The following PDZD2 variants were observed in gnomAD, a reference collection of about 807,000 sequenced individuals.
PDZD2 encodes the protein PDZ domain containing 2, also known as PDZ domain-containing protein 2.
A neutral mutation model predicts 220.7 loss-of-function variants in PDZD2; 90 were observed. The ratio of observed to expected loss-of-function variants is 0.41; its 90% CI spans 0.34 to 0.49. PDZD2 has a LOEUF of 0.49. Ranked by LOEUF, PDZD2 falls within the 20% of genes least tolerant of loss-of-function variation. PDZD2 has a pLI of 0.28. For missense variants in PDZD2, 3,174 were observed against 3,608.5 expected, an observed-to-expected ratio of 0.88 and a Z score of 3.08; for synonymous variants, 1,375 against 1,450.5, an observed-to-expected ratio of 0.95 and a Z score of 1.18.
At chr5:32,082,314 G>A (rs1321653197) in intron 19 of PDZD2, among the ~76,000 whole-genome samples, 5 of 152,018 alleles carry the variant, frequency 3.3e-5, no homozygotes, top group African/African-American at 4.8e-5. Flanking sequence ...AAGCCGCTGC[G>A]CCTAGCCAAA....
chr5:31,833,658 A>AAGAG (rs1756769767), intron 2 of PDZD2, among the ~76,000 whole-genome samples: 2 of 145,762 alleles, frequency 1.4e-5, no homozygotes, highest in Non-Finnish European at 1.5e-5. Flanking sequence ...AAAGAAAAGA[A>AAGAG]AAGAAAAAAG....
chr5:31,881,122 GT>G (rs1739861502), intron 2 of PDZD2, among the ~76,000 whole-genome samples: 1 of 151,842 alleles, frequency 6.6e-6, no homozygotes, highest in Non-Finnish European at 1.5e-5. Flanking sequence ...TCTGGCTATG[GT>G]TTAGAACTGG....
intron 2 of PDZD2, among the ~76,000 whole-genome samples, chr5:31,911,094 T>G (rs1561053527): frequency 6.6e-6 from 1 of 152,186 alleles, no homozygotes; most frequent in Non-Finnish European, 1.5e-5. Context: ...ATGTAACAAC[T>G]TCCTCTTTTA....
At chr5:31,874,564 C>A (rs1223843971) in intron 2 of PDZD2, among the ~76,000 whole-genome samples, 1 of 151,908 alleles carries the variant, frequency 6.6e-6, no homozygotes, top group African/African-American at 2.4e-5. Flanking sequence ...AGTTCAAGAC[C>A]AGCCTGGCCA....
At chr5:31,717,284 T>C (rs1422944214) in intron 1 of PDZD2, among the ~76,000 whole-genome samples, 1 of 152,196 alleles carries the variant, frequency 6.6e-6, no homozygotes, top group African/African-American at 2.4e-5. Flanking sequence ...AAGTGCTGAA[T>C]GAATGCTTCA....
At chr5:31,872,818 C>T (rs898825476) in intron 2 of PDZD2, among the ~76,000 whole-genome samples, 11 of 151,982 alleles carry the variant, frequency 7.2e-5, no homozygotes, top group African/African-American at 2.2e-4. Context: ...TGAATAATAA[C>T]GTTTCAGTAA....
chr5:32,074,991 T>C (rs1005305426), intron 18 of PDZD2, among the ~76,000 whole-genome samples: 4 of 152,094 alleles, frequency 2.6e-5, no homozygotes, highest in Admixed American at 6.5e-5. Context: ...TTGTATTTTT[T>C]AGTAGAGACA....
chr5:32,002,967 A>ACGTG (rs1752374805), intron 5 of PDZD2, among the ~76,000 whole-genome samples: 1 of 88,900 alleles, frequency 1.1e-5, no homozygotes. Context: ...CACACACACC[A>ACGTG]ACACACACAC....
At position 32,072,267 on chromosome 5, in the gene PDZD2, G is replaced by A. The variant is rs772174791; in HGVS notation, c.2675G>A (p.Gly892Glu). 2 of 1,614,164 alleles carry A rather than the reference G, an allele frequency of 1.2e-6. No homozygotes were observed. Among genetic ancestry groups the A allele is most frequent in the Non-Finnish European group, 8.5e-7 (1 of 1,179,996 alleles). The change falls in exon 17 of 25, where the codon GGA becomes GAA. Residue 892 changes from glycine to glutamate, a missense_variant. Physicochemically the swap from Gly to Glu is moderately conservative, Grantham distance 98 (BLOSUM62 -2). Transcript: ENST00000438447. Reference sequence around the variant, plus strand: ...GGTTCTGAGGACGAGGATCACCCGGGAAGTGGCTGCAGCACGTCGGAGGAG... The same window carrying A: ...GGTTCTGAGGACGAGGATCACCCGGAAAGTGGCTGCAGCACGTCGGAGGAG... ...VAGSEDEDHP[G>E]SGCSTSEEGS...
chr5:31,933,036 G>A lies in PDZD2; in HGVS notation c.477-50119G>A, dbSNP rs57210395. On this transcript the variant is annotated intron_variant, in intron 2 of 24. Transcript: ENST00000438447. ...AGTGATTCTCATGCCTCATCCTCCC[G>A]AGTAGCTGGGATTACAGATGTGTGC... Among the ~76,000 whole-genome samples the A allele has an allele frequency of 7.5e-3, 1,133 of 151,822 alleles. 5 individuals are homozygous for A. The highest frequency in any genetic ancestry group is 0.026 in the African/African-American group (1,078 of 41,394).
chr5:31,828,923 A>G (rs1049552447), intron 2 of PDZD2, among the ~76,000 whole-genome samples: 2 of 152,370 alleles, frequency 1.3e-5, no homozygotes, highest in African/African-American at 2.4e-5. Context: ...GCAGCTGCAC[A>G]TATTAAACAA....
chr5:32,024,260 A>G (rs1463561841), intron 6 of PDZD2, among the ~76,000 whole-genome samples: 1 of 152,224 alleles, frequency 6.6e-6, no homozygotes, highest in African/African-American at 2.4e-5. Flanking sequence ...GTGAAGAAGG[A>G]AAAAGAATTT....
At chr5:32,069,518 G>A (rs769335014) in intron 14 of PDZD2, 51 bp from the exon 15 acceptor site, 5 of 1,047,152 alleles carry the variant, frequency 4.8e-6, no homozygotes, top group Non-Finnish European at 7.5e-6. Flanking sequence ...CTTTCATTGG[G>A]AGAAATAAAT....
At chr5:32,043,333 G>C (rs1017752716) in intron 7 of PDZD2, among the ~76,000 whole-genome samples, 2 of 152,250 alleles carry the variant, frequency 1.3e-5, no homozygotes, top group Non-Finnish European at 2.9e-5. Flanking sequence ...AGGAAACGTA[G>C]CATGGAGGAG....
chr5:31,916,851 G>C (rs1033563098), intron 2 of PDZD2, among the ~76,000 whole-genome samples: 5 of 152,210 alleles, frequency 3.3e-5, no homozygotes, highest in Non-Finnish European at 7.3e-5. Flanking sequence ...ACTTGAGTGA[G>C]TGTGAGCCTC....
chr5:31,869,274 G>C (rs13177969), intron 2 of PDZD2, among the ~76,000 whole-genome samples: 15,677 of 152,124 alleles, frequency 0.1, 884 homozygotes, highest in Admixed American at 0.12. Context: ...TTCCAGCCAC[G>C]CTCCTCAGCC....
intron 3 of PDZD2, among the ~76,000 whole-genome samples, chr5:31,988,689 A>G (rs975657249): frequency 1.3e-5 from 2 of 151,516 alleles, no homozygotes; most frequent in Non-Finnish European, 2.9e-5. Flanking sequence ...CCCCGTCTGG[A>G]AGCTATCCCT....
intron 2 of PDZD2, among the ~76,000 whole-genome samples, chr5:31,918,879 T>C (rs4867088): frequency 0.93 from 142,246 of 152,172 alleles, 66,643 homozygotes; most frequent in African/African-American, 0.99. Context: ...ATGTGGTTCC[T>C]GGCTTCCTGC....
At chr5:31,799,889 A>C (rs1403249704) in intron 2 of PDZD2, among the ~76,000 whole-genome samples, 165 bp downstream of exon 2, 1 of 152,144 alleles carries the variant, frequency 6.6e-6, no homozygotes, top group Non-Finnish European at 1.5e-5. Context: ...TCACATCTTC[A>C]ACTGGAGCAC....
Sources: allele counts gnomAD v4.1 joint callset (sites outside exome capture counted in the v4.1 genomes callset), GRCh38; gene constraint gnomAD v4.1.1; transcripts MANE v1.5; gene names NCBI Gene and HGNC (gene_info 2026-07-23, HGNC 2026-07-21).